Variants in FIGNL2 observed in about 807,000 individuals in gnomAD.
The protein encoded by FIGNL2 is fidgetin like 2.
For missense variants in FIGNL2, 1,060 were observed against 950.2 expected (o/e 1.12, Z -1.52); for synonymous variants, 565 against 484.0 (o/e 1.17, Z -2.20).
At chr12:51,832,297 G>A (rs758149322) in intron 1 of FIGNL2, among the ~76,000 whole-genome samples, 5 of 152,166 alleles carry the variant, frequency 3.3e-5, no homozygotes, top group East Asian at 1.9e-4. Flanking sequence ...GATTACAGGC[G>A]TGTGCCACTG....
Position 51,821,429 on chromosome 12 carries a change from G to A in FIGNL2, c.985C>T (p.Pro329Ser), listed in dbSNP as rs2138970159. 2 of 1,538,302 alleles carry A rather than the reference G, an allele frequency of 1.3e-6. No individual in the cohort carries two copies. The highest frequency in any genetic ancestry group is 1.7e-6 in the Non-Finnish European group (2 of 1,145,056). Residue 329 changes from proline (P) to serine (S), a missense_variant, in exon 2 of 2, where the codon CCC (proline) becomes TCC (serine). Pro to Ser is a moderately conservative substitution (Grantham distance 74). Transcript: ENST00000618634. Reference protein sequence around the residue: ...EASGKYGGGVPLKVLGSPVYG... With the variant: ...EASGKYGGGVSLKVLGSPVYG... ...ACGGGGGAGCCCAGGACCTTGAGGG[G>A]GACGCCGCCACCGTACTTGCCCGAC...
intron 1 of FIGNL2, chr12:51,847,409 C>A (rs374506672): frequency 3.0e-6 from 3 of 985,376 alleles, no homozygotes; most frequent in South Asian, 9.4e-5. Context: ...GGGCGGAAAG[C>A]AGGAGACCGC....
chr12:51,846,296 G>A (rs1020102829), intron 1 of FIGNL2, among the ~76,000 whole-genome samples: 5 of 152,220 alleles, frequency 3.3e-5, no homozygotes, highest in African/African-American at 1.2e-4. Flanking sequence ...GGGCTGGGGA[G>A]GTGATGCGGA....
chr12:51,822,140 C>A lies in FIGNL2; in HGVS notation c.274G>T (p.Ala92Ser). ...GGCCAGGGCTCGGGATCCCCTTTGGCGCCGTTGAGGAAGGAGGCGTCGCTG... is the reference window on the plus strand; with the variant it reads ...GGCCAGGGCTCGGGATCCCCTTTGGAGCCGTTGAGGAAGGAGGCGTCGCTG... ...GYSDASFLNG[A>S]KGDPEPWPGP... is the part of the protein sequence containing the mutation. The change falls in exon 2 of 2, where the codon GCC becomes TCC. Residue 92 changes from alanine to serine, a missense_variant. Physicochemically the swap from Ala to Ser is moderately conservative, Grantham distance 99. Transcript: ENST00000618634. 6.2e-7 allele frequency: 1 copy of A among 1,610,856 alleles called. No individual in the cohort carries two copies. The highest frequency in any genetic ancestry group is 8.5e-7 in the Non-Finnish European group (1 of 1,178,742).
At position 51,820,437 on chromosome 12, in the gene FIGNL2, C is replaced by T. The variant is rs779693203; in HGVS notation, c.*15G>A. Reference sequence around the variant, plus strand: ...ACGGAGGGACTGCGGCTCCCGCGGCCTCCCCCGCGCGCCGTCAGTGTCCGG... The same window carrying T: ...ACGGAGGGACTGCGGCTCCCGCGGCTTCCCCCGCGCGCCGTCAGTGTCCGG... On this transcript the variant is annotated 3_prime_UTR_variant, in exon 2 of 2. Transcript: ENST00000618634. 2.3e-5 allele frequency: 37 copies of T among 1,581,292 alleles called. No homozygotes were observed. The highest frequency in any genetic ancestry group is 1.4e-4 in the East Asian group (6 of 43,890).
intron 1 of FIGNL2, among the ~76,000 whole-genome samples, chr12:51,835,650 A>G (rs919297488): frequency 6.6e-6 from 1 of 152,142 alleles, no homozygotes; most frequent in African/African-American, 2.4e-5. Flanking sequence ...ATGTTCAACA[A>G]CCGTATGTGG....
intron 1 of FIGNL2, 104 bp from the exon 2 acceptor site, chr12:51,822,528 T>A: frequency 7.2e-7 from 1 of 1,381,728 alleles, no homozygotes; most frequent in Non-Finnish European, 1.0e-6. Context: ...TTGGACAGGC[T>A]GGGCTTCCGG....
chr12:51,820,171 C>T lies in FIGNL2; in HGVS notation c.*281G>A. ...CAGGAGTTCTTAAGGCCCCGGGTGC[C>T]AGCCCATGCCGGATCTGCCCGGTCT... On this transcript the variant is annotated 3_prime_UTR_variant, in exon 2 of 2. Coordinates refer to ENST00000618634, the MANE Select transcript of FIGNL2 (RefSeq NM_001384995.1). The T allele has an allele frequency of 2.2e-6, 1 of 457,324 alleles. No individual in the cohort carries two copies. The highest frequency in any genetic ancestry group is 3.9e-6 in the Non-Finnish European group (1 of 256,852). 28.3% of individuals were successfully genotyped at this position (457,324 alleles called of 1,614,324 possible).
Position 51,821,180 on chromosome 12 carries a change from G to A in FIGNL2, c.1234C>T (p.Leu412=), listed in dbSNP as rs1295269516. Residue 412 remains leucine, a synonymous_variant, in exon 2 of 2, where the codon CTG becomes TTG. Transcript: ENST00000618634. The part of the protein sequence containing the change: ...AALEEELVWP[L]LRPPAYPGSL... ...CCCGGGTAGGCGGGCGGCCTGAGCA[G>A]GGGCCACACCAGCTCCTCCTCCAGC... is the stretch of plus-strand genomic sequence containing the variant. The A allele has an allele frequency of 2.7e-6, 4 of 1,507,410 alleles. No individual in the cohort carries two copies. The highest frequency in any genetic ancestry group is 2.9e-5 in the African/African-American group (2 of 69,038). The allele number at this position is 1,507,410 out of a possible 1,614,324, so 93.4% of individuals were successfully genotyped here.
intron 1 of FIGNL2, among the ~76,000 whole-genome samples, chr12:51,838,668 G>A (rs1214989215): frequency 6.6e-6 from 1 of 152,208 alleles, no homozygotes; most frequent in African/African-American, 2.4e-5. Flanking sequence ...CAGTGAAGGA[G>A]AGGTGGAACT....
rs1209546216 is a variant in FIGNL2 at position 51,820,456 on chromosome 12, T to C, written c.1958A>G (p.His653Arg). Residue 653 changes from histidine (H) to arginine (R), a missense_variant, in exon 2 of 2, where the codon CAC becomes CGC. Physicochemically the swap from His to Arg is conservative, Grantham distance 29. Transcript: ENST00000618634. The part of the protein sequence containing the change: ...VEWDKMYGSG[H>R] ...CGCGGCCTCCCCCGCGCGCCGTCAG[T>C]GTCCGGAGCCGTACATTTTGTCCCA... 2 of 1,587,538 alleles carry C rather than the reference T, an allele frequency of 1.3e-6. No homozygotes were observed. The highest frequency in any genetic ancestry group is 1.3e-5 in the African/African-American group (1 of 74,460).
chr12:51,836,214 C>T (rs564955904), intron 1 of FIGNL2, among the ~76,000 whole-genome samples: 5 of 152,280 alleles, frequency 3.3e-5, no homozygotes, highest in South Asian at 2.1e-4. Context: ...CAACTCCCTC[C>T]GCCCCAGCCC....
At position 51,822,050 on chromosome 12, in the gene FIGNL2, C is replaced by T; in HGVS notation, c.364G>A (p.Gly122Ser). Residue 122 changes from glycine to serine, a missense_variant, in exon 2 of 2, where the codon GGT (glycine) becomes AGT (serine). Gly to Ser is a moderately conservative substitution (Grantham distance 56). Transcript: ENST00000618634. Reference sequence around the variant, plus strand: ...CCCAGGGCCCCGGAACCGCCGCCACCGCCCGATTTGGTTCCTGGGAGGCCT... The same window carrying T: ...CCCAGGGCCCCGGAACCGCCGCCACTGCCCGATTTGGTTCCTGGGAGGCCT... ...HEGLPGTKSG[G>S]GGGSGALGGS... 6 of 1,609,226 alleles carry T rather than the reference C, an allele frequency of 3.7e-6. No homozygotes were observed. In the East Asian group the frequency reaches 6.7e-5, roughly 18 times the overall value.
intron 1 of FIGNL2, among the ~76,000 whole-genome samples, chr12:51,838,326 C>G (rs1035218807): frequency 6.6e-6 from 1 of 152,196 alleles, no homozygotes; most frequent in Non-Finnish European, 1.5e-5. Context: ...GTGGTGTGAG[C>G]CTGTTCTACG....
intron 1 of FIGNL2, among the ~76,000 whole-genome samples, chr12:51,832,459 T>C (rs1431407461): frequency 6.6e-6 from 1 of 151,882 alleles, no homozygotes. Flanking sequence ...CCCCCAACAC[T>C]CCACTACCTT....
chr12:51,821,490 C>T lies in FIGNL2; in HGVS notation c.924G>A (p.Gly308=). 2.6e-6 allele frequency: 4 copies of T among 1,555,408 alleles called. No individual in the cohort carries two copies. The highest frequency in any genetic ancestry group is 2.6e-6 in the Non-Finnish European group (3 of 1,157,874). ...AADNGECRGN[G]FRAKPPGAAE... Reference sequence around the variant, plus strand: ...CGGCTCCTGGCGGCTTGGCCCGGAACCCGTTGCCCCGACATTCGCCGTTGT... The same window carrying T: ...CGGCTCCTGGCGGCTTGGCCCGGAATCCGTTGCCCCGACATTCGCCGTTGT... The change falls in exon 2 of 2, where the codon GGG becomes GGA. Residue 308 remains glycine (G), a synonymous_variant. Coordinates refer to ENST00000618634, the MANE Select transcript of FIGNL2 (RefSeq NM_001384995.1).
Position 51,821,496 on chromosome 12 carries a change from G to T in FIGNL2, c.918C>A (p.Gly306=). 6.4e-7 allele frequency: 1 copy of T among 1,559,000 alleles called. No individual in the cohort carries two copies. ...YPAADNGECR[G]NGFRAKPPGA... Reference sequence around the variant, plus strand: ...CTGGCGGCTTGGCCCGGAACCCGTTGCCCCGACATTCGCCGTTGTCCGCGG... The same window carrying T: ...CTGGCGGCTTGGCCCGGAACCCGTTTCCCCGACATTCGCCGTTGTCCGCGG... Residue 306 remains glycine (G), a synonymous_variant, in exon 2 of 2, where the codon GGC becomes GGA. Transcript: ENST00000618634.
At chr12:51,841,436 T>G (rs1471924890) in intron 1 of FIGNL2, 1 of 152,228 alleles carries the variant, frequency 6.6e-6, no homozygotes, top group East Asian at 1.9e-4. Flanking sequence ...GTCACCAAGC[T>G]GGGACAGATG....
intron 1 of FIGNL2, among the ~76,000 whole-genome samples, chr12:51,828,937 C>A (rs1939398891): frequency 6.6e-6 from 1 of 152,232 alleles, no homozygotes; most frequent in Non-Finnish European, 1.5e-5. Flanking sequence ...AACACAGCAT[C>A]AACACCCTCC....
Sources: allele counts gnomAD v4.1 joint callset (sites outside exome capture counted in the v4.1 genomes callset), GRCh38; gene constraint gnomAD v4.1.1; transcripts MANE v1.5; gene names NCBI Gene and HGNC (gene_info 2026-07-23, HGNC 2026-07-21).